Variants in GLRA3 observed in about 807,000 individuals in gnomAD.
GLRA3 encodes glycine receptor subunit alpha-3.
Under a neutral mutation model 60.4 loss-of-function variants are expected in GLRA3, and 44 were observed. The observed-to-expected ratio is 0.73, with a 90% CI of 0.57 to 0.94. The LOEUF is 0.94. Among genes scored for constraint, GLRA3 ranks in the 40% least tolerant of loss-of-function variants. GLRA3 has a pLI of 0.00. For synonymous variants in GLRA3, 223 were observed against 192.9 expected (o/e 1.16, Z -1.29); for missense variants, 508 against 564.6 (o/e 0.90, Z 1.02).
chr4:174,744,832 A>T (rs6824521), intron 3 of GLRA3, among the ~76,000 whole-genome samples: 24,056 of 152,156 alleles, frequency 0.16, 2,491 homozygotes, highest in African/African-American at 0.3. Flanking sequence ...ATTATGAAAA[A>T]GGAATTCAAA....
intron 1 of GLRA3, among the ~76,000 whole-genome samples, chr4:174,804,762 T>C (rs1739966942): frequency 6.6e-6 from 1 of 152,188 alleles, no homozygotes. Context: ...TTACTGCTTC[T>C]ACAGTGAAAT....
intron 3 of GLRA3, among the ~76,000 whole-genome samples, chr4:174,741,330 T>C (rs1381803535): frequency 6.6e-6 from 1 of 152,196 alleles, no homozygotes; most frequent in Non-Finnish European, 1.5e-5. Flanking sequence ...ATTTTGCTAA[T>C]GGCTAATGAT....
At chr4:174,809,095 A>T (rs1461927065) in intron 1 of GLRA3, among the ~76,000 whole-genome samples, 1 of 152,182 alleles carries the variant, frequency 6.6e-6, no homozygotes, top group African/African-American at 2.4e-5. Context: ...CATTCATCGT[A>T]AGTGCTCTAT....
intron 7 of GLRA3, among the ~76,000 whole-genome samples, chr4:174,668,817 G>T: frequency 6.6e-6 from 1 of 152,222 alleles, no homozygotes; most frequent in Admixed American, 6.5e-5. Flanking sequence ...ATCCAAACTT[G>T]CTTTTTATTT....
chr4:174,746,789 C>A (rs1248850191), intron 3 of GLRA3, among the ~76,000 whole-genome samples: 1 of 152,168 alleles, frequency 6.6e-6, no homozygotes, highest in African/African-American at 2.4e-5. Flanking sequence ...GACTTGAACA[C>A]TACACATTCT....
intron 1 of GLRA3, among the ~76,000 whole-genome samples, chr4:174,820,512 T>A (rs1357949587): frequency 3.9e-5 from 6 of 152,060 alleles, no homozygotes; most frequent in Non-Finnish European, 1.5e-5. Flanking sequence ...GACAGAGAAC[T>A]CAGACAGTGG....
In GLRA3 at chr4:174,725,981, G is replaced by A. The variant is rs6837736; in HGVS notation, c.491+2494C>T. Among the ~76,000 whole-genome samples the A allele has an allele frequency of 6.8e-3, 1,033 of 152,282 alleles. 14 individuals carry two copies. The highest frequency in any genetic ancestry group is 0.024 in the African/African-American group (1,001 of 41,544). ...GTTTTCTCTGACATTGCTCTGCTTA[G>A]GCAAGGGAAGGTGTTATCTTGTGTC... On this transcript the variant is annotated intron_variant, in intron 4 of 9. Coordinates refer to ENST00000274093, the MANE Select transcript of GLRA3 (RefSeq NM_006529.4).
intron 5 of GLRA3, chr4:174,713,558 G>A (rs1400243172): frequency 1.3e-5 from 2 of 151,908 alleles, no homozygotes; most frequent in East Asian, 1.9e-4. Context: ...ATTTGTCTTC[G>A]TTAACAATAA....
chr4:174,688,579 A>AGTGTGT (rs59653917), intron 5 of GLRA3, among the ~76,000 whole-genome samples: 6,672 of 133,808 alleles, frequency 0.05, 224 homozygotes, highest in Non-Finnish European at 0.056. Flanking sequence ...GGAAGGAGGA[A>AGTGTGT]GTGTGTGTGT....
chr4:174,827,476 T>C (rs1258857720), intron 1 of GLRA3, among the ~76,000 whole-genome samples: 3 of 151,794 alleles, frequency 2.0e-5, no homozygotes, highest in African/African-American at 7.2e-5. Context: ...AACATTAAGT[T>C]TGTACTCCTT....
intron 4 of GLRA3, among the ~76,000 whole-genome samples, chr4:174,726,365 T>C (rs1203962858): frequency 1.3e-5 from 2 of 152,218 alleles, no homozygotes. Flanking sequence ...CAATACCACC[T>C]GGTAAGACTG....
chr4:174,809,057 T>C (rs1740161113), intron 1 of GLRA3, among the ~76,000 whole-genome samples: 1 of 152,184 alleles, frequency 6.6e-6, no homozygotes, highest in African/African-American at 2.4e-5. Flanking sequence ...CACCACTCAC[T>C]CACTGACTCA....
chr4:174,670,717 T>G (rs957497561), intron 7 of GLRA3, among the ~76,000 whole-genome samples: 2 of 152,124 alleles, frequency 1.3e-5, no homozygotes, highest in African/African-American at 4.8e-5. Flanking sequence ...TAATCATTAA[T>G]TTTTCAGCTT....
intron 5 of GLRA3, among the ~76,000 whole-genome samples, chr4:174,698,719 G>A (rs1252620505): frequency 6.6e-6 from 1 of 152,066 alleles, no homozygotes; most frequent in African/African-American, 2.4e-5. Context: ...TTAAACATCA[G>A]AGAATAAAAT....
chr4:174,809,661 A>C (rs28408767), intron 1 of GLRA3, among the ~76,000 whole-genome samples: 3,588 of 152,306 alleles, frequency 0.024, 136 homozygotes, highest in African/African-American at 0.081. Context: ...TGAACCCAGG[A>C]GGCAGAGGTT....
rs370723270 is a variant in GLRA3, at chr4:174,744,340, G to A, written c.268-15642C>T. ...AGCAAGCCACTTGGAGGACCAAGAA[G>A]AGGCCTGCCTGGTCCTACTGACACA... On this transcript the variant is annotated intron_variant, in intron 3 of 9. Coordinates refer to ENST00000274093, the MANE Select transcript of GLRA3 (RefSeq NM_006529.4). Among the ~76,000 whole-genome samples the A allele has an allele frequency of 1.2e-4, 18 of 152,368 alleles. No homozygotes were observed. The East Asian group carries it at 1.9e-3, about 16-fold the overall frequency.
chr4:174,773,402 C>A (rs6854762), intron 2 of GLRA3, among the ~76,000 whole-genome samples: 111,292 of 151,360 alleles, frequency 0.74, 41,234 homozygotes, highest in East Asian at 1. Flanking sequence ...AAAATCTTGG[C>A]AACGATATTA....
intron 7 of GLRA3, among the ~76,000 whole-genome samples, chr4:174,662,207 T>C (rs1174788854): frequency 1.3e-5 from 2 of 151,978 alleles, no homozygotes; most frequent in South Asian, 2.1e-4. Flanking sequence ...TTTTGTTTCA[T>C]ACTTTATATA....
rs1561066464 is a variant in GLRA3, at chr4:174,704,023, G to A, written c.574+11465C>T. On this transcript the variant is annotated intron_variant, in intron 5 of 9. Coordinates refer to ENST00000274093, the MANE Select transcript of GLRA3 (RefSeq NM_006529.4). ...ATTAAGGATGAAAGAGGCTGGGCACGGTGGCACAGGCATGTAATCCCATTT... is the reference window on the plus strand; with the variant it reads ...ATTAAGGATGAAAGAGGCTGGGCACAGTGGCACAGGCATGTAATCCCATTT... Among the ~76,000 whole-genome samples the A allele has an allele frequency of 1.9e-5, 2 of 103,264 alleles. 1 individual carries two copies. The highest frequency in any genetic ancestry group is 4.5e-5 in the Non-Finnish European group (2 of 43,988). 67.7% of individuals were successfully genotyped at this position (103,264 alleles called of 152,430 possible). A position where few individuals can be genotyped will look rare whatever the true frequency, so the allele number is the denominator to read the frequency against.
Sources: gnomAD v4.1 joint callset for allele counts (sites outside exome capture counted in the v4.1 genomes callset) on GRCh38, gnomAD v4.1.1 for gene constraint, MANE v1.5 for transcripts, NCBI Gene and HGNC (gene_info 2026-07-23, HGNC 2026-07-21) for gene names.